The following CHSY3 variants were observed in gnomAD, a reference collection of about 807,000 sequenced individuals.
The protein encoded by CHSY3 is chondroitin sulfate synthase 3.
CHSY3 carries 35 observed loss-of-function variants against 67.2 expected under a neutral mutation model. The ratio of observed to expected loss-of-function variants is 0.52; its 90% CI spans 0.40 to 0.69. The LOEUF is 0.69. Ranked by LOEUF, CHSY3 falls within the 30% of genes least tolerant of loss-of-function variation. The pLI is 0.00. For missense variants in CHSY3, 1,069 were observed against 1,138.5 expected (o/e 0.94, Z 0.88); for synonymous variants, 474 against 434.7 (o/e 1.09, Z -1.12).
At chr5:129,974,566 T>C (rs1247448096) in intron 2 of CHSY3, among the ~76,000 whole-genome samples, 2 of 152,182 alleles carry the variant, frequency 1.3e-5, no homozygotes, top group South Asian at 2.1e-4. Flanking sequence ...TATGTACTTA[T>C]AGTTCCTCAA....
chr5:130,164,611 T>G (rs114335707), intron 2 of CHSY3, among the ~76,000 whole-genome samples: 1 of 152,088 alleles, frequency 6.6e-6, no homozygotes, highest in South Asian at 2.1e-4. Context: ...TTTCTGAAAA[T>G]CTAGAATCCA....
chr5:130,140,331 C>G, intron 2 of CHSY3: 1 of 538,764 alleles, frequency 1.9e-6, no homozygotes, highest in Non-Finnish European at 3.3e-6. Context: ...AGCACAACGT[C>G]CAAGTAGAAT....
intron 2 of CHSY3, among the ~76,000 whole-genome samples, chr5:129,960,030 A>G (rs1285734626): frequency 6.6e-6 from 1 of 152,098 alleles, no homozygotes; most frequent in African/African-American, 2.4e-5. Flanking sequence ...TTTTATGACA[A>G]GAGATGATGA....
chr5:129,943,045 T>C (rs1289682455), intron 2 of CHSY3, among the ~76,000 whole-genome samples: 2 of 152,184 alleles, frequency 1.3e-5, no homozygotes, highest in African/African-American at 4.8e-5. Context: ...TATTGGCACA[T>C]TGAACAGATT....
Position 130,185,392 on chromosome 5 carries a change from T to C in CHSY3, c.2250T>C (p.Tyr750=), listed in dbSNP as rs1251650867. ...QVYYPIIFSQ[Y]DPKVTNGGNP... ...ACTATCCCATCATCTTTAGCCAGTA[T>C]GACCCAAAGGTAACAAACGGGGGAA... Residue 750 remains tyrosine, a synonymous_variant, in exon 3 of 3, where the codon TAT becomes TAC. Coordinates refer to ENST00000305031, the MANE Select transcript of CHSY3 (RefSeq NM_175856.5). The C allele has an allele frequency of 1.9e-6, 3 of 1,612,030 alleles. No homozygotes were observed. Among genetic ancestry groups the C allele is most frequent in the Non-Finnish European group, 2.5e-6 (3 of 1,178,080 alleles).
At chr5:130,038,915 A>G (rs1360454892) in intron 2 of CHSY3, among the ~76,000 whole-genome samples, 1 of 152,148 alleles carries the variant, frequency 6.6e-6, no homozygotes, top group Non-Finnish European at 1.5e-5. Context: ...TCCACATATT[A>G]TATTTACATT....
intron 2 of CHSY3, among the ~76,000 whole-genome samples, chr5:129,992,376 TAAC>T (rs1203176601): frequency 6.6e-6 from 1 of 152,214 alleles, no homozygotes. Flanking sequence ...TATTTTCTAA[TAAC>T]ATTTTATTTT....
chr5:130,171,635 G>A (rs1769896056), intron 2 of CHSY3, among the ~76,000 whole-genome samples: 1 of 152,020 alleles, frequency 6.6e-6, no homozygotes, highest in Admixed American at 6.5e-5. Flanking sequence ...TATAAGAGTT[G>A]CTATCTGCAA....
chr5:130,135,195 C>A (rs1337093135), intron 2 of CHSY3, among the ~76,000 whole-genome samples: 2 of 151,520 alleles, frequency 1.3e-5, no homozygotes, highest in African/African-American at 4.9e-5. Context: ...TACATACATA[C>A]ATACATATAT....
At chr5:130,079,592 T>C (rs73245430) in intron 2 of CHSY3, among the ~76,000 whole-genome samples, 1,522 of 152,186 alleles carry the variant, frequency 0.01, 25 homozygotes, top group African/African-American at 0.035. Flanking sequence ...AGAATCACAG[T>C]TAAGAACACA....
At chr5:130,008,960 G>T (rs1268015867) in intron 2 of CHSY3, among the ~76,000 whole-genome samples, 5 of 152,222 alleles carry the variant, frequency 3.3e-5, no homozygotes, top group Non-Finnish European at 5.9e-5. Context: ...GAAAATATGG[G>T]ATTATGTAAA....
At chr5:130,125,070 C>A (rs576092213) in intron 2 of CHSY3, among the ~76,000 whole-genome samples, 1 of 152,048 alleles carries the variant, frequency 6.6e-6, no homozygotes, top group African/African-American at 2.4e-5. Context: ...TGCTTGAGCT[C>A]GGGAGTTCTC....
intron 2 of CHSY3, among the ~76,000 whole-genome samples, chr5:130,087,643 A>C (rs1766698834): frequency 6.6e-6 from 1 of 152,088 alleles, no homozygotes; most frequent in Admixed American, 6.6e-5. Flanking sequence ...TAAAATACCT[A>C]GGAATCCAAC....
chr5:130,135,629 A>G (rs1187733261), intron 2 of CHSY3, among the ~76,000 whole-genome samples: 2 of 152,090 alleles, frequency 1.3e-5, no homozygotes, highest in Admixed American at 1.3e-4. Context: ...TCTCCATATC[A>G]CAATGAATGG....
At chr5:130,061,352 C>T (rs967447659) in intron 2 of CHSY3, among the ~76,000 whole-genome samples, 5 of 151,914 alleles carry the variant, frequency 3.3e-5, no homozygotes, top group African/African-American at 1.2e-4. Context: ...AAAAATAGGC[C>T]AGCAATATGC....
At chr5:129,955,679 C>T (rs114592705) in intron 2 of CHSY3, among the ~76,000 whole-genome samples, 3,578 of 152,136 alleles carry the variant, frequency 0.024, 129 homozygotes, top group African/African-American at 0.079. Flanking sequence ...TCCTGTTCCT[C>T]TCCCTCCTCC....
intron 2 of CHSY3, among the ~76,000 whole-genome samples, chr5:130,123,620 G>C (rs1218556413): frequency 1.3e-5 from 2 of 152,188 alleles, no homozygotes; most frequent in Non-Finnish European, 2.9e-5. Context: ...GGGGTTTGAG[G>C]ACTCCTGTGT....
intron 2 of CHSY3, among the ~76,000 whole-genome samples, chr5:129,924,389 T>C (rs1225213750): frequency 4.6e-5 from 7 of 152,164 alleles, no homozygotes; most frequent in Admixed American, 4.6e-4. Context: ...GGCTCATGCC[T>C]GTAATCCCAG....
chr5:129,920,373 G>A (rs1044987576), intron 2 of CHSY3, among the ~76,000 whole-genome samples: 9 of 152,306 alleles, frequency 5.9e-5, no homozygotes, highest in Admixed American at 1.3e-4. Flanking sequence ...AGCCTCCTGA[G>A]TAGCTAAGAT....
Sources: allele counts gnomAD v4.1 joint callset (sites outside exome capture counted in the v4.1 genomes callset), GRCh38; gene constraint gnomAD v4.1.1; transcripts MANE v1.5; gene names NCBI Gene and HGNC (gene_info 2026-07-23, HGNC 2026-07-21).